IRAK4: variants seen among roughly 807,000 people sequenced by gnomAD.
IRAK4 encodes interleukin 1 receptor associated kinase 4.
IRAK4 carries 44 observed loss-of-function variants against 51.8 expected under a neutral mutation model. That is an observed-to-expected ratio of 0.85 (90% confidence interval 0.67 to 1.09). IRAK4 has a LOEUF of 1.09. Among genes scored for constraint, IRAK4 ranks in the 50% least tolerant of loss-of-function variants. The probability of loss-of-function intolerance (pLI) is 0.00; values close to 1 mark genes in which losing one functional copy is unlikely to be tolerated. For missense variants in IRAK4, 487 were observed against 538.0 expected, an observed-to-expected ratio of 0.91 and a Z score of 0.94; for synonymous variants, 149 against 174.1, an observed-to-expected ratio of 0.86 and a Z score of 1.13.
At chr12:43,760,525 C>T (rs1490722691) in intron 1 of IRAK4, among the ~76,000 whole-genome samples, 1 of 152,210 alleles carries the variant, frequency 6.6e-6, no homozygotes, top group Non-Finnish European at 1.5e-5. Context: ...GGCCCCTTTA[C>T]CTTTCTGACC....
At chr12:43,773,830 T>A (rs1469964767) in intron 5 of IRAK4, 135 bp from the exon 6 acceptor site, 16 of 666,802 alleles carry the variant, frequency 2.4e-5, no homozygotes, top group Non-Finnish European at 4.1e-5. Flanking sequence ...TAGATCTCAG[T>A]TATTCTGTAG....
intron 3 of IRAK4, among the ~76,000 whole-genome samples, chr12:43,771,755 G>C (rs1041106887): frequency 6.6e-6 from 1 of 152,128 alleles, no homozygotes; most frequent in African/African-American, 2.4e-5. Context: ...GTAGTGTCTA[G>C]TTGCCTTCCT....
intron 2 of IRAK4, among the ~76,000 whole-genome samples, chr12:43,768,871 C>T (rs1022762370): frequency 6.6e-6 from 1 of 152,074 alleles, no homozygotes; most frequent in African/African-American, 2.4e-5. Context: ...TCAGTCATTG[C>T]AGTTAAAACC....
At chr12:43,767,792 T>A (rs1257012227) in intron 1 of IRAK4, among the ~76,000 whole-genome samples, 1 of 152,164 alleles carries the variant, frequency 6.6e-6, no homozygotes, top group African/African-American at 2.4e-5. Flanking sequence ...CTCTTAAGAA[T>A]TTTTCTGGTA....
chr12:43,768,037 T>C (rs1189315633), intron 1 of IRAK4, 66 bp from the exon 2 acceptor site: 15 of 1,181,740 alleles, frequency 1.3e-5, no homozygotes, highest in Non-Finnish European at 1.6e-5. Context: ...AAGTGTGATA[T>C]ATAAGCTTAC....
chr12:43,766,659 T>C (rs1940181637), intron 1 of IRAK4, among the ~76,000 whole-genome samples: 1 of 152,206 alleles, frequency 6.6e-6, no homozygotes, highest in African/African-American at 2.4e-5. Context: ...CAGAGTTGTA[T>C]GGCATGACTT....
rs4251496 is a variant in IRAK4 at position 43,777,294 on chromosome 12, T to C, written c.717-336T>C. ...GTCCAAGCTACTTGGGAGGATGAGT[T>C]AGGAGGATCACTTGAGTCCAGATGG... On this transcript the variant is annotated intron_variant, in intron 6 of 11. Transcript: ENST00000613694. 0.23 allele frequency among the ~76,000 whole-genome samples: 35,560 copies of C among 151,706 alleles called. 6,669 individuals carry two copies. The highest frequency in any genetic ancestry group is 0.53 in the African/African-American group (21,722 of 41,206).
At chr12:43,782,180 G>A in intron 8 of IRAK4, 127 bp from the exon 9 acceptor site, 1 of 686,798 alleles carries the variant, frequency 1.5e-6, no homozygotes, top group Non-Finnish European at 2.6e-6. Context: ...CTGTAAATAT[G>A]TATGTACATA....
intron 5 of IRAK4, 147 bp from the exon 6 acceptor site, chr12:43,773,818 T>G (rs1358670389): frequency 3.1e-6 from 2 of 635,602 alleles, no homozygotes; most frequent in East Asian, 5.6e-5. Flanking sequence ...CACTAGTATT[T>G]CTAGATCTCA....
intron 5 of IRAK4, 70 bp from the exon 6 acceptor site, chr12:43,773,895 C>A: frequency 1.1e-6 from 1 of 951,496 alleles, no homozygotes; most frequent in Non-Finnish European, 1.7e-6. Context: ...GCCAGCTGAT[C>A]TCTTGATCCC....
At chr12:43,761,377 C>T (rs34820798) in intron 1 of IRAK4, among the ~76,000 whole-genome samples, 1 of 152,030 alleles carries the variant, frequency 6.6e-6, no homozygotes, top group East Asian at 1.9e-4. Flanking sequence ...CACTACTGTT[C>T]TGGAAATTGA....
chr12:43,772,088 AATG>A (rs1940825746), intron 3 of IRAK4, 89 bp from the exon 4 acceptor site: 2 of 961,526 alleles, frequency 2.1e-6, no homozygotes, highest in African/African-American at 1.6e-5. Context: ...TAGAAACTGG[AATG>A]ATATTAAATG....
intron 5 of IRAK4, chr12:43,773,725 T>C: frequency 2.9e-6 from 1 of 339,994 alleles, no homozygotes; most frequent in Non-Finnish European, 5.4e-6. Context: ...TGAAATTTCG[T>C]GTTATTTCAT....
intron 3 of IRAK4, 132 bp downstream of exon 3, chr12:43,771,497 G>A: frequency 1.1e-6 from 1 of 917,900 alleles, no homozygotes; most frequent in Non-Finnish European, 1.7e-6. Context: ...CTTTCTTTCA[G>A]CACTCCTCAA....
chr12:43,772,603 A>G (rs1046294298), intron 4 of IRAK4, among the ~76,000 whole-genome samples: 7 of 152,228 alleles, frequency 4.6e-5, no homozygotes, highest in African/African-American at 7.2e-5. Context: ...AAATATTTAC[A>G]TAACTTGGAA....
chr12:43,772,961 T>C lies in IRAK4; in HGVS notation c.540T>C (p.Phe180=). 2 of 1,611,526 alleles carry C rather than the reference T, an allele frequency of 1.2e-6. No homozygotes were observed. The highest frequency in any genetic ancestry group is 1.7e-6 in the Non-Finnish European group (2 of 1,178,566). ...FYELKNVTNN[F]DERPISVGGN... ...AATTGAAGAATGTCACAAATAACTT[T>C]GATGAACGACCCATTTCTGTTGGTG... is the stretch of plus-strand genomic sequence containing the variant. Residue 180 remains phenylalanine, a synonymous_variant, in exon 5 of 12, where the codon TTT becomes TTC. Transcript: ENST00000613694.
rs201213387 is a variant in IRAK4 at position 43,769,143 on chromosome 12, CT to C, written c.161+881del. 4.7e-5 allele frequency among the ~76,000 whole-genome samples: 7 copies of C among 148,640 alleles called. No individual in the cohort carries two copies. The South Asian group carries it at 6.4e-4, about 14-fold the overall frequency. ...GGTGGCAGGAAGATAAAGCTCTTCT[CT>C]TTTTTTTTTCTTTTTTCCAAGACTC... On this transcript the variant is annotated intron_variant, in intron 2 of 11. Coordinates refer to ENST00000613694, the MANE Select transcript of IRAK4 (RefSeq NM_016123.4).
chr12:43,777,707 T>C lies in IRAK4; in HGVS notation c.794T>C (p.Met265Thr). The change falls in exon 7 of 12, where the codon ATG becomes ACG. Residue 265 changes from methionine (M) to threonine (T), a missense_variant. Coordinates refer to ENST00000613694, the MANE Select transcript of IRAK4 (RefSeq NM_016123.4). ...GDDLCLVYVY[M>T]PNGSLLDRLS... is the part of the protein sequence containing the mutation. Reference sequence around the variant, plus strand: ...GACCTCTGCTTAGTATATGTTTACATGCCTAATGGTTCATTGCTAGACAGA... The same window carrying C: ...GACCTCTGCTTAGTATATGTTTACACGCCTAATGGTTCATTGCTAGACAGA... 6.2e-7 allele frequency: 1 copy of C among 1,613,424 alleles called. No homozygotes were observed. Among genetic ancestry groups the C allele is most frequent in the Non-Finnish European group, 8.5e-7 (1 of 1,179,586 alleles).
chr12:43,778,286 C>T lies in IRAK4; in HGVS notation c.925C>T (p.His309Tyr), dbSNP rs965450394. 3.8e-6 allele frequency: 6 copies of T among 1,580,014 alleles called. No individual in the cohort carries two copies. Among genetic ancestry groups the T allele is most frequent in the Middle Eastern group, 1.7e-4 (1 of 5,922 alleles). ...TTTTCTACATGAAAATCATCATATT[C>T]ATAGAGATATTAAAAGGTAAATGCT... is the stretch of plus-strand genomic sequence containing the variant. The part of the protein sequence containing the change: ...INFLHENHHI[H>Y]RDIKSANILL... Residue 309 changes from histidine to tyrosine, a missense_variant, in exon 8 of 12, where the codon CAT (histidine) becomes TAT (tyrosine). By Grantham distance (83) the His-to-Tyr change is moderately conservative (BLOSUM62 2). Coordinates refer to ENST00000613694, the MANE Select transcript of IRAK4 (RefSeq NM_016123.4).
Sources: gnomAD v4.1 joint callset for allele counts (sites outside exome capture counted in the v4.1 genomes callset) on GRCh38, gnomAD v4.1.1 for gene constraint, MANE v1.5 for transcripts, NCBI Gene and HGNC (gene_info 2026-07-23, HGNC 2026-07-21) for gene names.